Variants in ADGRL2 observed in about 807,000 individuals in gnomAD.
ADGRL2 encodes adhesion G protein-coupled receptor L2.
Under a neutral mutation model 157.4 loss-of-function variants are expected in ADGRL2, and 44 were observed. That is an observed-to-expected ratio of 0.28 (90% CI 0.22 to 0.36). ADGRL2 has a LOEUF of 0.36. Among genes scored for constraint, ADGRL2 ranks in the 10% least tolerant of loss-of-function variants. The pLI is 1.00. For synonymous variants in ADGRL2, 585 were observed against 624.7 expected, an observed-to-expected ratio of 0.94 and a Z score of 0.95; for missense variants, 1,510 against 1,768.9, an observed-to-expected ratio of 0.85 and a Z score of 2.63.
At chr1:81,508,687 A>C (rs2079023143) in intron 2 of ADGRL2, among the ~76,000 whole-genome samples, 1 of 152,176 alleles carries the variant, frequency 6.6e-6, no homozygotes, top group Admixed American at 6.5e-5. Flanking sequence ...GTATGCACCC[A>C]TGAGGCCAGC....
At chr1:81,963,886 A>G (rs994245149) in intron 11 of ADGRL2, among the ~76,000 whole-genome samples, 3 of 151,226 alleles carry the variant, frequency 2.0e-5, no homozygotes, top group Non-Finnish European at 4.4e-5. Context: ...AATCTTATTT[A>G]AAATTCAGTA....
At chr1:81,819,903 A>G (rs1425983793) in intron 1 of ADGRL2, among the ~76,000 whole-genome samples, 1 of 152,146 alleles carries the variant, frequency 6.6e-6, no homozygotes, top group Non-Finnish European at 1.5e-5. Context: ...GCCCTCGAAG[A>G]TTTAAAAAAT....
intron 2 of ADGRL2, among the ~76,000 whole-genome samples, chr1:81,487,770 A>G (rs577182027): frequency 4.4e-4 from 67 of 152,304 alleles, no homozygotes; most frequent in Non-Finnish European, 8.1e-4. Context: ...GTTATACTCC[A>G]TGGAGTTTGT....
intron 2 of ADGRL2, among the ~76,000 whole-genome samples, chr1:81,895,432 C>G (rs1312446449): frequency 1.8e-5 from 2 of 108,558 alleles, no homozygotes; most frequent in African/African-American, 7.6e-5. Flanking sequence ...GAGTTTCACT[C>G]TTGTTGCCCA....
At chr1:81,341,019 A>G (rs1662034729) in intron 1 of ADGRL2, among the ~76,000 whole-genome samples, 1 of 152,078 alleles carries the variant, frequency 6.6e-6, no homozygotes, top group Admixed American at 6.5e-5. Context: ...AGTCCCAATC[A>G]TATGTTTGAA....
rs370233028 is a variant in ADGRL2 at position 81,721,121 on chromosome 1, G to C, written c.-143+21313G>C. ...TCCTAGACACAAGCGATCCTCCTGC[G>C]TCAGCCTCCCAAAGTGCTGGGATTA... On this transcript the variant is annotated intron_variant, in intron 1 of 20. Coordinates refer to the ADGRL2 transcript ENST00000359929. 3.4e-5 allele frequency among the ~76,000 whole-genome samples: 5 copies of C among 148,242 alleles called. No homozygotes were observed. In the South Asian group the frequency reaches 1.1e-3, roughly 32 times the overall value.
intron 1 of ADGRL2, among the ~76,000 whole-genome samples, chr1:81,323,384 T>A (rs12745718): frequency 0.23 from 34,990 of 149,922 alleles, 4,453 homozygotes; most frequent in Middle Eastern, 0.35. Flanking sequence ...AGACCATAGG[T>A]ACGAGCCATT....
chr1:81,820,688 A>G (rs1029702690), intron 1 of ADGRL2, among the ~76,000 whole-genome samples: 5 of 151,306 alleles, frequency 3.3e-5, no homozygotes, highest in Non-Finnish European at 4.4e-5. Flanking sequence ...ATCAAAATTG[A>G]TGTTCTGATA....
chr1:81,497,083 G>C (rs1287919148), intron 2 of ADGRL2, among the ~76,000 whole-genome samples: 1 of 151,952 alleles, frequency 6.6e-6, no homozygotes, highest in African/African-American at 2.4e-5. Flanking sequence ...AGAACAAAAG[G>C]GCCAGGAATG....
At chr1:81,948,989 T>C (rs901885339) in intron 6 of ADGRL2, among the ~76,000 whole-genome samples, 1 of 152,214 alleles carries the variant, frequency 6.6e-6, no homozygotes, top group Non-Finnish European at 1.5e-5. Flanking sequence ...GAGCTTAAAA[T>C]AGTAAACATA....
intron 1 of ADGRL2, among the ~76,000 whole-genome samples, chr1:81,834,819 G>T (rs1274842188): frequency 6.6e-6 from 1 of 151,982 alleles, no homozygotes; most frequent in Non-Finnish European, 1.5e-5. Context: ...CACTTACATG[G>T]TCTCATAATT....
chr1:81,766,590 G>C (rs2086129222), intron 2 of ADGRL2, among the ~76,000 whole-genome samples: 1 of 151,942 alleles, frequency 6.6e-6, no homozygotes, highest in Non-Finnish European at 1.5e-5. Context: ...CAGCACTTTG[G>C]GAGGCCGAAG....
At chr1:81,331,437 T>C (rs1189321988) in intron 1 of ADGRL2, among the ~76,000 whole-genome samples, 1 of 152,150 alleles carries the variant, frequency 6.6e-6, no homozygotes, top group Non-Finnish European at 1.5e-5. Flanking sequence ...TAGACAATGA[T>C]ATATCAAGTC....
intron 2 of ADGRL2, among the ~76,000 whole-genome samples, chr1:81,895,469 G>T (rs1241723080): frequency 6.9e-6 from 1 of 145,396 alleles, no homozygotes; most frequent in Non-Finnish European, 1.5e-5. Flanking sequence ...TGCAGTCTCG[G>T]CTCACTACAA....
At chr1:81,476,479 C>T (rs1230577001) in intron 2 of ADGRL2, among the ~76,000 whole-genome samples, 1 of 152,202 alleles carries the variant, frequency 6.6e-6, no homozygotes. Context: ...AATGTCCCTT[C>T]TCCTTTCCAA....
chr1:81,457,194 C>A (rs1163023584), intron 2 of ADGRL2, among the ~76,000 whole-genome samples: 1 of 151,972 alleles, frequency 6.6e-6, no homozygotes, highest in Non-Finnish European at 1.5e-5. Context: ...TTTCCTAAAC[C>A]TTTCCCTTTC....
At chr1:81,364,315 A>T (rs966844934) in intron 1 of ADGRL2, among the ~76,000 whole-genome samples, 2 of 152,136 alleles carry the variant, frequency 1.3e-5, no homozygotes, top group Non-Finnish European at 2.9e-5. Flanking sequence ...TTCAAAGTAC[A>T]GTTCTTCATA....
At chr1:81,754,531 C>T (rs1396060221) in intron 1 of ADGRL2, among the ~76,000 whole-genome samples, 4 of 129,992 alleles carry the variant, frequency 3.1e-5, no homozygotes, top group African/African-American at 1.2e-4. Context: ...CCCTCTTTCT[C>T]TTTCTTTCTT....
intron 2 of ADGRL2, among the ~76,000 whole-genome samples, chr1:81,856,248 C>G (rs1451157550): frequency 2.0e-5 from 3 of 152,044 alleles, no homozygotes; most frequent in Non-Finnish European, 4.4e-5. Flanking sequence ...TTTATTTTTT[C>G]CCCCTTGCAG....
Sources: gnomAD v4.1 joint callset for allele counts (sites outside exome capture counted in the v4.1 genomes callset) on GRCh38, gnomAD v4.1.1 for gene constraint, MANE v1.5 for transcripts, NCBI Gene and HGNC (gene_info 2026-07-23, HGNC 2026-07-21) for gene names.